Variants in CLVS1 observed in about 807,000 individuals in gnomAD.
CLVS1 encodes clavesin 1, also known as clavesin-1.
A neutral mutation model predicts 33.1 loss-of-function variants in CLVS1; 10 were observed. That is an observed-to-expected ratio of 0.30 (90% CI 0.19 to 0.51). CLVS1 has a LOEUF of 0.51. Among genes scored for constraint, CLVS1 ranks in the 20% least tolerant of loss-of-function variants. The pLI, the probability that CLVS1 is intolerant of heterozygous loss-of-function variation, is 0.97. For missense variants in CLVS1, 343 were observed against 433.4 expected (o/e 0.79, Z 1.85); for synonymous variants, 163 against 166.1 (o/e 0.98, Z 0.14).
At chr8:61,110,161 C>G (rs1438216269) in intron 1 of CLVS1, among the ~76,000 whole-genome samples, 4 of 152,158 alleles carry the variant, frequency 2.6e-5, no homozygotes, top group African/African-American at 4.8e-5. Flanking sequence ...AATTAATCCC[C>G]CTCCCACCAC....
At chr8:61,061,266 C>G (rs918437460) in intron 1 of CLVS1, among the ~76,000 whole-genome samples, 114 of 152,234 alleles carry the variant, frequency 7.5e-4, no homozygotes, top group Non-Finnish European at 2.9e-5. Flanking sequence ...CAGCTTGACA[C>G]CTTGGTAAGA....
At chr8:61,309,134 A>C (rs1285367985) in intron 2 of CLVS1, among the ~76,000 whole-genome samples, 2 of 152,206 alleles carry the variant, frequency 1.3e-5, no homozygotes, top group Non-Finnish European at 2.9e-5. Context: ...AGTTGGGTCC[A>C]CCAGAAGTCG....
At chr8:60,997,168 G>T in the CLVS1 span, among the ~76,000 whole-genome samples, 1 of 152,158 alleles carries the variant, frequency 6.6e-6, no homozygotes, top group Non-Finnish European at 1.5e-5. Context: ...AAAGGCTCAG[G>T]TGTGTGTGGC....
chr8:61,455,555 C>T (rs531344333), intron 4 of CLVS1, among the ~76,000 whole-genome samples: 1 of 152,220 alleles, frequency 6.6e-6, no homozygotes, highest in Non-Finnish European at 1.5e-5. Flanking sequence ...TTCTTTAAGA[C>T]TGCATAGTAT....
At chr8:61,226,809 C>T (rs1249842310) in intron 2 of CLVS1, among the ~76,000 whole-genome samples, 1 of 152,078 alleles carries the variant, frequency 6.6e-6, no homozygotes, top group African/African-American at 2.4e-5. Flanking sequence ...GCAGTGATAA[C>T]TCACACCCAT....
At chr8:61,238,681 T>C (rs1808622942) in intron 2 of CLVS1, among the ~76,000 whole-genome samples, 1 of 152,246 alleles carries the variant, frequency 6.6e-6, no homozygotes, top group Non-Finnish European at 1.5e-5. Flanking sequence ...ACTCTTGGTT[T>C]GAACAAAATT....
chr8:61,359,556 A>G (rs1356516572), intron 2 of CLVS1, among the ~76,000 whole-genome samples: 1 of 152,062 alleles, frequency 6.6e-6, no homozygotes, highest in Non-Finnish European at 1.5e-5. Context: ...GGGTTTCACC[A>G]TGTTGGCCAG....
chr8:61,234,945 G>T (rs1002677914), intron 2 of CLVS1, among the ~76,000 whole-genome samples: 1 of 152,162 alleles, frequency 6.6e-6, no homozygotes, highest in African/African-American at 2.4e-5. Flanking sequence ...TGTCTTCTTT[G>T]TATGGGACAT....
intron 3 of CLVS1, among the ~76,000 whole-genome samples, chr8:61,412,565 C>T (rs570755867): frequency 6.6e-6 from 1 of 152,282 alleles, no homozygotes; most frequent in East Asian, 1.9e-4. Flanking sequence ...AAGAATCTTC[C>T]TTACTTGTGC....
chr8:61,360,260 C>T (rs575927001), intron 2 of CLVS1, among the ~76,000 whole-genome samples: 1 of 152,232 alleles, frequency 6.6e-6, no homozygotes, highest in Non-Finnish European at 1.5e-5. Context: ...GCTTTCTAAT[C>T]ACCTTTAAAA....
At chr8:61,339,797 AAAG>A (rs1407156186) in intron 2 of CLVS1, among the ~76,000 whole-genome samples, 3 of 112,670 alleles carry the variant, frequency 2.7e-5, no homozygotes, top group Non-Finnish European at 6.1e-5. Flanking sequence ...GAAAGAGAAA[AAAG>A]AGAGGAAGGA....
intron 2 of CLVS1, among the ~76,000 whole-genome samples, chr8:61,313,104 T>C (rs1168956353): frequency 6.6e-6 from 1 of 152,134 alleles, no homozygotes; most frequent in Non-Finnish European, 1.5e-5. Context: ...TCCCATTCAG[T>C]CTTCATTCTT....
the CLVS1 span, among the ~76,000 whole-genome samples, chr8:61,034,939 C>T: frequency 6.6e-6 from 1 of 152,160 alleles, no homozygotes; most frequent in Admixed American, 6.5e-5. Context: ...TTCTCAGATT[C>T]ACAACTGGGG....
At chr8:61,223,083 G>A (rs1808254214) in intron 2 of CLVS1, among the ~76,000 whole-genome samples, 1 of 151,716 alleles carries the variant, frequency 6.6e-6, no homozygotes, top group African/African-American at 2.4e-5. Flanking sequence ...TTGCACATAA[G>A]ATGGGCCTCC....
chr8:61,210,114 A>G (rs955917660), intron 2 of CLVS1, among the ~76,000 whole-genome samples: 4 of 152,232 alleles, frequency 2.6e-5, no homozygotes, highest in Non-Finnish European at 5.9e-5. Flanking sequence ...TTATGTTTGA[A>G]TGTATGTGTC....
chr8:61,102,504 C>A, intron 1 of CLVS1, among the ~76,000 whole-genome samples: 1 of 152,164 alleles, frequency 6.6e-6, no homozygotes, highest in East Asian at 1.9e-4. Context: ...AAATGGCTTT[C>A]TTAGGGATTT....
intron 5 of CLVS1, 127 bp downstream of exon 5, chr8:61,458,669 G>A: frequency 4.6e-6 from 3 of 645,604 alleles, no homozygotes; most frequent in Middle Eastern, 2.6e-4. Context: ...AAATTGCAAT[G>A]CATTCTCAGC....
intron 2 of CLVS1, among the ~76,000 whole-genome samples, chr8:61,214,050 G>A (rs1268191763): frequency 4.6e-5 from 7 of 152,206 alleles, no homozygotes; most frequent in East Asian, 3.9e-4. Flanking sequence ...CTCCCATAGC[G>A]CTCCCAGGCT....
rs1371866684 is a variant in CLVS1, at chr8:61,423,320, G to A, written c.631-30821G>A. On this transcript the variant is annotated intron_variant, in intron 3 of 5. Transcript: ENST00000325897. Reference sequence around the variant, plus strand: ...GAGTTTAGTGACACTAAAAATTAAAGCATTCCTTAAGCCAGGCCATGTAGA... The same window carrying A: ...GAGTTTAGTGACACTAAAAATTAAAACATTCCTTAAGCCAGGCCATGTAGA... Among the ~76,000 whole-genome samples the A allele has an allele frequency of 3.9e-5, 6 of 152,148 alleles. No individual in the cohort carries two copies. The East Asian group carries it at 9.6e-4, about 24-fold the overall frequency.
Sources: gnomAD v4.1 joint callset for allele counts (sites outside exome capture counted in the v4.1 genomes callset) on GRCh38, gnomAD v4.1.1 for gene constraint, MANE v1.5 for transcripts, NCBI Gene and HGNC (gene_info 2026-07-23, HGNC 2026-07-21) for gene names.